FNIP2: variants seen among roughly 807,000 people sequenced by gnomAD.
The protein encoded by FNIP2 is folliculin-interacting protein 2.
Under a neutral mutation model 108.7 loss-of-function variants are expected in FNIP2, and 32 were observed. That is an observed-to-expected ratio of 0.29 (90% CI 0.22 to 0.40). The LOEUF (loss-of-function observed/expected upper bound fraction) is 0.40, where lower values mean the gene tolerates loss of function less well. FNIP2 is among the 10% of genes least tolerant of loss of function. FNIP2 has a pLI of 1.00. For missense variants in FNIP2, 1,202 were observed against 1,381.6 expected (o/e 0.87, Z 2.06); for synonymous variants, 480 against 496.7 (o/e 0.97, Z 0.45).
intron 12 of FNIP2, among the ~76,000 whole-genome samples, chr4:158,863,173 C>G (rs926388917): frequency 1.3e-5 from 2 of 152,140 alleles, no homozygotes; most frequent in Admixed American, 1.3e-4. Context: ...CCCTGGTCGG[C>G]GAAGGCCTGT....
chr4:158,881,434 TCTCCCTCTCCCTCTCTTTCCACG>T (rs1380586058), intron 14 of FNIP2, among the ~76,000 whole-genome samples: 7 of 144,458 alleles, frequency 4.8e-5, no homozygotes, highest in Admixed American at 2.1e-4. Flanking sequence ...CTTTCCACGG[TCTCCCTCTCCCTCTCTTTCCACG>T]GTCTCCCTCT....
rs1780170709 is a variant in FNIP2, at chr4:158,859,614, C to G, written c.1096C>G (p.Leu366Val). The G allele has an allele frequency of 6.2e-7, 1 of 1,613,410 alleles. No individual in the cohort carries two copies. Among genetic ancestry groups the G allele is most frequent in the Admixed American group, 1.7e-5 (1 of 59,974 alleles). Residue 366 changes from leucine to valine, a missense_variant, in exon 10 of 17, where the codon CTC becomes GTC. This residue lies in a region of FNIP2 where 878 missense variants were observed against 990.3 expected (regional missense o/e 0.89). Coordinates refer to ENST00000264433, the MANE Select transcript of FNIP2 (RefSeq NM_020840.3). ...CTGTAGGAAAATAGCAGAATCAAGTCTCCGAGTCCAGTTTTATGTCAGCCG... is the reference window on the plus strand; with the variant it reads ...CTGTAGGAAAATAGCAGAATCAAGTGTCCGAGTCCAGTTTTATGTCAGCCG... ...ISCRKIAESS[L>V]RVQFYVSRLM...
intron 8 of FNIP2, among the ~76,000 whole-genome samples, chr4:158,854,708 C>T (rs1242378740): frequency 1.3e-5 from 2 of 152,236 alleles, no homozygotes; most frequent in South Asian, 2.1e-4. Context: ...ACAGAATGGA[C>T]TGCCATGTAG....
At chr4:158,867,457 G>A (rs529663878) in intron 12 of FNIP2, among the ~76,000 whole-genome samples, 1 of 152,326 alleles carries the variant, frequency 6.6e-6, no homozygotes, top group South Asian at 2.1e-4. Context: ...CTCCCAAAGT[G>A]CTGATATTAC....
At position 158,782,099 on chromosome 4, in the gene FNIP2, A is replaced by G. The variant is rs147059335; in HGVS notation, c.107+12780A>G. Among the ~76,000 whole-genome samples, 72 of 151,894 alleles carry G rather than the reference A, an allele frequency of 4.7e-4. 1 individual carries two copies. The East Asian group carries it at 0.013, about 27-fold the overall frequency. Reference sequence around the variant, plus strand: ...CTTTCCCTGTATTAAATGCATCTCTACTGATCTCAAGGTTGTAGGGAAATG... The same window carrying G: ...CTTTCCCTGTATTAAATGCATCTCTGCTGATCTCAAGGTTGTAGGGAAATG... On this transcript the variant is annotated intron_variant, in intron 1 of 16. Transcript: ENST00000264433.
chr4:158,871,703 C>T, intron 14 of FNIP2: 1 of 985,392 alleles, frequency 1.0e-6, no homozygotes, highest in South Asian at 4.7e-5. Context: ...CACCAGGATA[C>T]TCCTGGGATG....
chr4:158,873,833 T>G (rs1308813864), intron 14 of FNIP2, among the ~76,000 whole-genome samples: 1 of 152,246 alleles, frequency 6.6e-6, no homozygotes, highest in Non-Finnish European at 1.5e-5. Context: ...GTTTCAGTTT[T>G]TTTCTTGCCA....
chr4:158,801,705 T>C (rs1273839377), intron 1 of FNIP2, among the ~76,000 whole-genome samples: 1 of 152,242 alleles, frequency 6.6e-6, no homozygotes, highest in African/African-American at 2.4e-5. Flanking sequence ...TGGATCTAAC[T>C]ACCTACCAGT....
At chr4:158,841,491 C>T (rs948814096) in intron 7 of FNIP2, among the ~76,000 whole-genome samples, 42 of 152,216 alleles carry the variant, frequency 2.8e-4, no homozygotes, top group African/African-American at 9.9e-4. Flanking sequence ...AACCCTTCAC[C>T]AACTGAACTG....
chr4:158,819,845 T>G (rs778692977), intron 1 of FNIP2, among the ~76,000 whole-genome samples: 19 of 152,188 alleles, frequency 1.2e-4, no homozygotes, highest in Non-Finnish European at 1.9e-4. Context: ...GAGCAAACCT[T>G]TTGAGAGATT....
At chr4:158,831,217 C>T (rs1034317490) in intron 3 of FNIP2, among the ~76,000 whole-genome samples, 3 of 152,102 alleles carry the variant, frequency 2.0e-5, no homozygotes, top group Admixed American at 1.3e-4. Flanking sequence ...CTAGTTTGAG[C>T]TAAGAGGTAA....
chr4:158,800,099 G>A (rs936857793), intron 1 of FNIP2, among the ~76,000 whole-genome samples: 25 of 152,124 alleles, frequency 1.6e-4, no homozygotes, highest in African/African-American at 2.7e-4. Context: ...CTTCTGGGCC[G>A]CTGTTTCGTT....
Position 158,869,135 on chromosome 4 carries a change from G to A in FNIP2, c.2499G>A (p.Arg833=). 1.2e-6 allele frequency: 2 copies of A among 1,614,048 alleles called. No homozygotes were observed. The highest frequency in any genetic ancestry group is 1.7e-5 in the Admixed American group (1 of 60,030). ...SHGAGGTGGR[R]LEATRGLYVK... ...GTGCAGGAGGAACGGGAGGGAGGAG[G>A]CTGGAGGCCACTAGAGGTTTGTATG... The change falls in exon 13 of 17, where the codon AGG becomes AGA. Residue 833 remains arginine, a synonymous_variant. Transcript: ENST00000264433.
Position 158,859,676 on chromosome 4 carries a change from C to CA in FNIP2, c.1148+13dup. 6.2e-7 allele frequency: 1 copy of CA among 1,606,260 alleles called. No homozygotes were observed. Among genetic ancestry groups the CA allele is most frequent in the Non-Finnish European group, 8.5e-7 (1 of 1,174,408 alleles). Reference sequence around the variant, plus strand: ...CTCTGGGAGAATTCAGGTAAAGTGGCAAAGTTTGGCAAATCCAACAGGAGA... The same window carrying CA: ...CTCTGGGAGAATTCAGGTAAAGTGGCAAAAGTTTGGCAAATCCAACAGGAGA... On this transcript the variant is annotated intron_variant, in intron 10 of 16. Transcript: ENST00000264433.
chr4:158,888,514 G>A (rs1157816248), intron 14 of FNIP2, among the ~76,000 whole-genome samples: 1 of 152,142 alleles, frequency 6.6e-6, no homozygotes, highest in Non-Finnish European at 1.5e-5. Flanking sequence ...ATGGACTCCC[G>A]CAAATTCTTG....
intron 1 of FNIP2, among the ~76,000 whole-genome samples, chr4:158,785,149 G>A (rs1308814425): frequency 6.9e-6 from 1 of 145,956 alleles, no homozygotes; most frequent in Non-Finnish European, 1.5e-5. Flanking sequence ...GCAGTGGCAC[G>A]ATCTCAGTTC....
intron 7 of FNIP2, among the ~76,000 whole-genome samples, chr4:158,838,846 G>C (rs1020731195): frequency 3.3e-5 from 5 of 152,132 alleles, no homozygotes; most frequent in African/African-American, 1.2e-4. Context: ...TCTCTTAGCT[G>C]TGGTGGTTTC....
At chr4:158,843,715 G>A (rs1444553553) in intron 7 of FNIP2, among the ~76,000 whole-genome samples, 4 of 152,188 alleles carry the variant, frequency 2.6e-5, no homozygotes, top group Non-Finnish European at 4.4e-5. Flanking sequence ...ATGTATCGTG[G>A]GGATGGGAGA....
intron 1 of FNIP2, chr4:158,808,732 C>G (rs1017531146): frequency 2.0e-5 from 3 of 152,172 alleles, no homozygotes; most frequent in African/African-American, 7.2e-5. Flanking sequence ...CTTCCAATCT[C>G]TTTTTGCTCT....
Sources: allele counts gnomAD v4.1 joint callset (sites outside exome capture counted in the v4.1 genomes callset), GRCh38; gene constraint gnomAD v4.1.1; regional missense constraint gnomAD v4.1.1; transcripts MANE v1.5; gene names NCBI Gene and HGNC (gene_info 2026-07-23, HGNC 2026-07-21).